The following TENT4B variants were observed in gnomAD, a reference collection of about 807,000 sequenced individuals.
The protein encoded by TENT4B is terminal nucleotidyltransferase 4B.
In TENT4B, 10 loss-of-function variants were observed where a neutral mutation model predicts 75.0. The ratio of observed to expected loss-of-function variants is 0.13; its 90% CI spans 0.08 to 0.23. The LOEUF (loss-of-function observed/expected upper bound fraction) is 0.23. TENT4B is among the 10% of genes least tolerant of loss of function. The probability of loss-of-function intolerance (pLI) is 1.00; values close to 1 mark genes in which losing one functional copy is unlikely to be tolerated. For synonymous variants in TENT4B, 350 were observed against 357.7 expected, an observed-to-expected ratio of 0.98 and a Z score of 0.24; for missense variants, 579 against 893.8, an observed-to-expected ratio of 0.65 and a Z score of 4.49.
rs1312180979 is a variant in TENT4B, at chr16:50,229,953, C to G, written c.*625C>G. The stretch of plus-strand genomic sequence containing the variant: ...TCTCAGGATTAGTTTGAAAAATAAT[C>G]TAAATTGTCATCTTAACATCCATAT... On this transcript the variant is annotated 3_prime_UTR_variant, in exon 12 of 12. Transcript: ENST00000561678. The G allele has an allele frequency of 3.8e-5, 36 of 944,160 alleles. No individual in the cohort carries two copies. Among genetic ancestry groups the G allele is most frequent in the Non-Finnish European group, 4.4e-5 (35 of 792,240 alleles). 58.5% of individuals were successfully genotyped at this position (944,160 alleles called of 1,614,324 possible).
At chr16:50,210,310 C>A (rs912945563) in intron 1 of TENT4B, among the ~76,000 whole-genome samples, 2 of 152,196 alleles carry the variant, frequency 1.3e-5, no homozygotes, top group African/African-American at 2.4e-5. Context: ...ATTGCTCAGC[C>A]CAGTGAGTTT....
intron 1 of TENT4B, among the ~76,000 whole-genome samples, chr16:50,166,080 CTT>C (rs34403390): frequency 3.2e-4 from 38 of 117,540 alleles, no homozygotes; most frequent in East Asian, 2.6e-3. Flanking sequence ...CTTGACAGCA[CTT>C]TTTTTTTTTT....
intron 5 of TENT4B, among the ~76,000 whole-genome samples, chr16:50,221,897 G>A (rs2031845810): frequency 6.6e-6 from 1 of 151,886 alleles, no homozygotes; most frequent in Admixed American, 6.6e-5. Flanking sequence ...CCAAGTAGCT[G>A]GGATTACAGG....
intron 1 of TENT4B, among the ~76,000 whole-genome samples, chr16:50,182,843 A>G (rs2038441336): frequency 6.8e-6 from 1 of 148,064 alleles, no homozygotes; most frequent in Non-Finnish European, 1.5e-5. Context: ...TGAATGAGGA[A>G]AACTTTTAAC....
intron 1 of TENT4B, among the ~76,000 whole-genome samples, chr16:50,181,078 A>G (rs534216289): frequency 6.6e-6 from 1 of 152,382 alleles, no homozygotes; most frequent in South Asian, 2.1e-4. Flanking sequence ...TTGTAACACA[A>G]TTGCTTTTTG....
chr16:50,208,857 C>CGAGGAGCTG (rs1316442640), intron 1 of TENT4B, among the ~76,000 whole-genome samples: 1 of 152,226 alleles, frequency 6.6e-6, no homozygotes, highest in East Asian at 1.9e-4. Context: ...CTCATCCTCC[C>CGAGGAGCTG]GAGGAGCTGG....
At chr16:50,221,039 C>G (rs572400896) in intron 5 of TENT4B, among the ~76,000 whole-genome samples, 112 of 152,158 alleles carry the variant, frequency 7.4e-4, no homozygotes, top group Non-Finnish European at 1.4e-3. Flanking sequence ...GTAATCCCAA[C>G]ACTTTGGGAG....
At chr16:50,224,513 C>T (rs2031960949) in intron 7 of TENT4B, 144 bp from the exon 8 acceptor site, 1 of 908,156 alleles carries the variant, frequency 1.1e-6, no homozygotes, top group South Asian at 1.7e-5. Flanking sequence ...GACTGGGGAG[C>T]TTTGGGGACA....
In TENT4B at chr16:50,231,470, G is replaced by C. The variant is rs774138221; in HGVS notation, c.*2142G>C. 110 of 985,448 alleles carry C rather than the reference G, an allele frequency of 1.1e-4. No individual in the cohort carries two copies. Among genetic ancestry groups the C allele is most frequent in the Non-Finnish European group, 1.3e-4 (108 of 829,810 alleles). The allele number at this position is 985,448 out of a possible 1,614,324, so 61.0% of individuals were successfully genotyped here. On this transcript the variant is annotated 3_prime_UTR_variant, in exon 12 of 12. Coordinates refer to ENST00000561678, the MANE Select transcript of TENT4B (RefSeq NM_001365324.3). ...ACTGAAGTTTTTTTTGTTGTTTTTTGTTTGTTTTTAAAGAATCACCCTCAT... is the reference window on the plus strand; with the variant it reads ...ACTGAAGTTTTTTTTGTTGTTTTTTCTTTGTTTTTAAAGAATCACCCTCAT...
At chr16:50,208,602 T>C (rs1230626666) in intron 1 of TENT4B, among the ~76,000 whole-genome samples, 3 of 152,218 alleles carry the variant, frequency 2.0e-5, no homozygotes, top group Non-Finnish European at 4.4e-5. Context: ...TTGCACACAC[T>C]ACAAAACTGC....
At chr16:50,178,404 A>G (rs2038350147) in intron 1 of TENT4B, among the ~76,000 whole-genome samples, 1 of 151,876 alleles carries the variant, frequency 6.6e-6, no homozygotes, top group East Asian at 1.9e-4. Context: ...TGATCGCACC[A>G]CTGTACTCCA....
chr16:50,191,551 G>A (rs1029431260), intron 1 of TENT4B, among the ~76,000 whole-genome samples: 110 of 152,220 alleles, frequency 7.2e-4, no homozygotes, highest in Admixed American at 7.2e-3. Flanking sequence ...TCGGATTATA[G>A]GCGTGAGCCA....
At chr16:50,172,532 T>C (rs1597232078) in intron 1 of TENT4B, among the ~76,000 whole-genome samples, 1 of 151,894 alleles carries the variant, frequency 6.6e-6, no homozygotes, top group East Asian at 1.9e-4. Flanking sequence ...TTTAGCAGTT[T>C]TAGGTTTATG....
At chr16:50,211,980 G>C (rs1003995117) in intron 2 of TENT4B, among the ~76,000 whole-genome samples, 1 of 152,094 alleles carries the variant, frequency 6.6e-6, no homozygotes, top group African/African-American at 2.4e-5. Flanking sequence ...TTGCCTTTTA[G>C]ACAGCTCCCA....
chr16:50,181,240 G>T (rs2038409274), intron 1 of TENT4B, among the ~76,000 whole-genome samples: 1 of 152,102 alleles, frequency 6.6e-6, no homozygotes, highest in Non-Finnish European at 1.5e-5. Flanking sequence ...CAAAGGAGGT[G>T]TGTTTGTGGA....
chr16:50,193,319 G>A (rs2029973286), intron 1 of TENT4B, among the ~76,000 whole-genome samples: 1 of 149,802 alleles, frequency 6.7e-6, no homozygotes. Context: ...GCCCATAGCA[G>A]CAGTTCCTGG....
chr16:50,178,856 G>T (rs1343155156), intron 1 of TENT4B, among the ~76,000 whole-genome samples: 1 of 152,122 alleles, frequency 6.6e-6, no homozygotes, highest in African/African-American at 2.4e-5. Context: ...GTTTCATTTG[G>T]AAAAGATTAA....
intron 1 of TENT4B, among the ~76,000 whole-genome samples, chr16:50,208,780 T>C (rs113823138): frequency 1.1e-4 from 17 of 152,268 alleles, no homozygotes; most frequent in African/African-American, 2.6e-4. Flanking sequence ...TTGCCCAGGC[T>C]GGATTGCAGT....
chr16:50,188,296 C>G (rs1412421821), intron 1 of TENT4B, among the ~76,000 whole-genome samples: 1 of 152,200 alleles, frequency 6.6e-6, no homozygotes, highest in Non-Finnish European at 1.5e-5. Context: ...TCCCTCATCA[C>G]TTTTCTCTGA....
Sources: gnomAD v4.1 joint callset for allele counts (sites outside exome capture counted in the v4.1 genomes callset) on GRCh38, gnomAD v4.1.1 for gene constraint, MANE v1.5 for transcripts, NCBI Gene and HGNC (gene_info 2026-07-23, HGNC 2026-07-21) for gene names.